CHRM3: variants seen among roughly 807,000 people sequenced by gnomAD.
CHRM3 encodes the protein cholinergic receptor muscarinic 3, also known as muscarinic acetylcholine receptor M3.
In CHRM3, 11 loss-of-function variants were observed where a neutral mutation model predicts 41.8. The ratio of observed to expected loss-of-function variants is 0.26; its 90% CI spans 0.17 to 0.44. The LOEUF is 0.44. CHRM3 is among the 20% of genes least tolerant of loss of function. CHRM3 has a pLI of 1.00. For missense variants in CHRM3, 571 were observed against 745.4 expected (o/e 0.77, Z 2.72); for synonymous variants, 297 against 301.4 (o/e 0.99, Z 0.15).
chr1:239,891,559 C>G (rs1472356002), intron 6 of CHRM3, among the ~76,000 whole-genome samples: 1 of 152,020 alleles, frequency 6.6e-6, no homozygotes, highest in South Asian at 2.1e-4. Context: ...GTAGGGTGGC[C>G]TAATATACAT....
intron 1 of CHRM3, among the ~76,000 whole-genome samples, chr1:239,464,743 C>T (rs1160228712): frequency 6.6e-6 from 1 of 152,132 alleles, no homozygotes; most frequent in African/African-American, 2.4e-5. Context: ...CAGTTTCTGC[C>T]TTCTTTCTCC....
At chr1:239,708,266 A>T (rs1329102010) in intron 5 of CHRM3, among the ~76,000 whole-genome samples, 1 of 152,188 alleles carries the variant, frequency 6.6e-6, no homozygotes, top group Admixed American at 6.5e-5. Flanking sequence ...AGTTGGATTC[A>T]TTCATCAGTG....
Position 239,587,967 on chromosome 1 carries a change from T to A in CHRM3, c.-313+42218T>A, listed in dbSNP as rs554748237. ...TGATTTTATTTTCTTTTACAGTTAT[T>A]TAAGTACAGAGCTCTCTAAAATTTG... On this transcript the variant is annotated intron_variant, in intron 3 of 6. Coordinates refer to ENST00000676153, the MANE Select transcript of CHRM3 (RefSeq NM_001375978.1). 1.3e-3 allele frequency among the ~76,000 whole-genome samples: 197 copies of A among 152,334 alleles called. 1 individual carries two copies. Among genetic ancestry groups the A allele is most frequent in the African/African-American group, 4.4e-3 (185 of 41,580 alleles).
intron 1 of CHRM3, among the ~76,000 whole-genome samples, chr1:239,442,817 A>T (rs1267123637): frequency 1.3e-5 from 2 of 152,204 alleles, no homozygotes; most frequent in African/African-American, 4.8e-5. Context: ...TAGGAGCTCA[A>T]GTAGCGTCTT....
At chr1:239,776,796 G>A (rs190707306) in intron 5 of CHRM3, among the ~76,000 whole-genome samples, 99 of 152,242 alleles carry the variant, frequency 6.5e-4, no homozygotes, top group African/African-American at 2.1e-3. Context: ...CAGTCATGGC[G>A]GAAGGGGAAG....
intron 5 of CHRM3, among the ~76,000 whole-genome samples, chr1:239,759,202 G>C (rs1666522766): frequency 1.7e-5 from 2 of 119,528 alleles, no homozygotes; most frequent in Non-Finnish European, 3.2e-5. Flanking sequence ...TTTTTAGAGA[G>C]AGGCTTATCC....
chr1:239,588,159 G>A (rs1443323196), intron 3 of CHRM3, among the ~76,000 whole-genome samples: 1 of 152,190 alleles, frequency 6.6e-6, no homozygotes, highest in Non-Finnish European at 1.5e-5. Flanking sequence ...CATGTATGCA[G>A]ATTGTTTCAT....
chr1:239,897,225 G>A (rs771399729), intron 6 of CHRM3, among the ~76,000 whole-genome samples: 2 of 152,074 alleles, frequency 1.3e-5, no homozygotes, highest in South Asian at 2.1e-4. Context: ...GAGTTGGGGC[G>A]TGCAAATAGG....
intron 1 of CHRM3, among the ~76,000 whole-genome samples, chr1:239,487,062 C>A (rs1434958626): frequency 6.6e-6 from 1 of 152,008 alleles, no homozygotes; most frequent in Non-Finnish European, 1.5e-5. Context: ...ATATTAAATT[C>A]TTGTTATATT....
intron 1 of CHRM3, among the ~76,000 whole-genome samples, chr1:239,451,241 C>T (rs955603467): frequency 6.6e-6 from 1 of 151,978 alleles, no homozygotes; most frequent in Non-Finnish European, 1.5e-5. Flanking sequence ...TAATAAATGC[C>T]CAGTGAACCA....
At chr1:239,631,143 T>TC (rs1031634964) in intron 3 of CHRM3, among the ~76,000 whole-genome samples, 1 of 152,146 alleles carries the variant, frequency 6.6e-6, no homozygotes, top group Non-Finnish European at 1.5e-5. Context: ...ATTACTCTTG[T>TC]CCCCCATATC....
intron 4 of CHRM3, among the ~76,000 whole-genome samples, chr1:239,653,591 T>A (rs1384289014): frequency 1.3e-5 from 2 of 152,164 alleles, no homozygotes; most frequent in African/African-American, 4.8e-5. Context: ...TACCAGAAAG[T>A]CTGTTTTTCA....
intron 3 of CHRM3, among the ~76,000 whole-genome samples, chr1:239,606,483 C>G (rs975804706): frequency 3.3e-5 from 5 of 152,158 alleles, no homozygotes; most frequent in African/African-American, 4.8e-5. Context: ...ACTATGTTGG[C>G]CAGGCTGGTC....
intron 2 of CHRM3, among the ~76,000 whole-genome samples, chr1:239,496,763 C>A (rs1667914869): frequency 6.6e-6 from 1 of 152,012 alleles, no homozygotes; most frequent in Admixed American, 6.6e-5. Context: ...TTGTTTTTAA[C>A]TTTCTGCAGT....
chr1:239,703,302 A>G (rs1414460858), intron 5 of CHRM3: 2 of 152,226 alleles, frequency 1.3e-5, no homozygotes, highest in African/African-American at 2.4e-5. Flanking sequence ...TCTGTGGACA[A>G]AAAAGCAAAA....
chr1:239,855,335 T>C (rs553855664), intron 6 of CHRM3, among the ~76,000 whole-genome samples: 1 of 152,298 alleles, frequency 6.6e-6, no homozygotes, highest in South Asian at 2.1e-4. Context: ...AATGGCTTCA[T>C]TGTGAAATCC....
chr1:239,527,175 T>C (rs1200688438), intron 2 of CHRM3, among the ~76,000 whole-genome samples: 5 of 152,104 alleles, frequency 3.3e-5, no homozygotes, highest in African/African-American at 7.2e-5. Context: ...ACAAATGCTG[T>C]CTCCTTTAAT....
intron 1 of CHRM3, among the ~76,000 whole-genome samples, chr1:239,424,522 G>T (rs1455167440): frequency 3.3e-5 from 5 of 152,162 alleles, no homozygotes; most frequent in Non-Finnish European, 5.9e-5. Flanking sequence ...AGTAAAAGCA[G>T]ATGTAGCTTC....
At chr1:239,583,424 A>G (rs1444732868) in intron 3 of CHRM3, among the ~76,000 whole-genome samples, 2 of 152,224 alleles carry the variant, frequency 1.3e-5, no homozygotes, top group African/African-American at 4.8e-5. Context: ...ATGCCTGGCA[A>G]TGTGCTAGAC....
Sources: allele counts gnomAD v4.1 joint callset (sites outside exome capture counted in the v4.1 genomes callset), GRCh38; gene constraint gnomAD v4.1.1; transcripts MANE v1.5; gene names NCBI Gene and HGNC (gene_info 2026-07-23, HGNC 2026-07-21).